CNGB1: variants seen among roughly 807,000 people sequenced by gnomAD.
CNGB1 encodes cyclic nucleotide-gated channel beta-1.
Under a neutral mutation model 151.7 loss-of-function variants are expected in CNGB1, and 126 were observed. The observed-to-expected ratio is 0.83, with a 90% CI of 0.72 to 0.96. The LOEUF is 0.96. Ranked by LOEUF, CNGB1 falls within the 40% of genes least tolerant of loss-of-function variation. The pLI, the probability that CNGB1 is intolerant of heterozygous loss-of-function variation, is 0.00. For missense variants in CNGB1, 1,698 were observed against 1,627.0 expected, an observed-to-expected ratio of 1.04 and a Z score of -0.75; for synonymous variants, 623 against 635.1, an observed-to-expected ratio of 0.98 and a Z score of 0.29.
chr16:57,917,623 T>TATA (rs1346971548), intron 20 of CNGB1, 147 bp from the exon 21 acceptor site: 1 of 639,530 alleles, frequency 1.6e-6, no homozygotes, highest in Non-Finnish European at 2.7e-6. Flanking sequence ...TGTGTGTGTA[T>TATA]ATATACACAC....
rs55840322 is a variant in CNGB1, at chr16:57,915,487, C to T, written c.2218-152G>A. 2,717 of 692,344 alleles carry T rather than the reference C, an allele frequency of 3.9e-3. 52 individuals carry two copies. The African/African-American group carries it at 0.043, about 11-fold the overall frequency. 42.9% of individuals were successfully genotyped at this position (692,344 alleles called of 1,614,324 possible). A position where few individuals can be genotyped will look rare whatever the true frequency, so the allele number is the denominator to read the frequency against. On this transcript the variant is annotated intron_variant, in intron 22 of 32. Transcript: ENST00000251102. ...AACTAGAGGGCAGAAGGTGTCCCAC[C>T]GACAAGCCCTTGTTTGGCTTCAAAG...
In CNGB1 at chr16:57,931,864, G is replaced by T. The variant is rs1036455191; in HGVS notation, c.1387C>A (p.Gln463Lys). 6.2e-7 allele frequency: 1 copy of T among 1,614,038 alleles called. No individual in the cohort carries two copies. Among genetic ancestry groups the T allele is most frequent in the East Asian group, 2.2e-5 (1 of 44,898 alleles). ...AASSGVPATK[Q>K]HPEVQVEDTD... The stretch of plus-strand genomic sequence containing the variant: ...TCTTCCACCTGCACTTCTGGGTGCT[G>T]TTTCGTGGCAGGCACTGGGGGAGAG... The change falls in exon 17 of 33, where the codon CAG becomes AAG. Residue 463 changes from glutamine to lysine, a missense_variant. Gln to Lys is a moderately conservative substitution (Grantham distance 53, BLOSUM62 1). Transcript: ENST00000251102.
rs1225309142 is a variant in CNGB1, at chr16:57,901,409, G to A, written c.2919C>T (p.Asp973=). ...CAACAGAGCGAAGCCTCTTCAGCAT[G>A]TCAAAGATCATCTGCCGGTCACAGC... is the stretch of plus-strand genomic sequence containing the variant. ...FQGCDRQMIF[D]MLKRLRSVVY... The change falls in exon 29 of 33, where the codon GAC becomes GAT. Residue 973 remains aspartate, a synonymous_variant. Transcript: ENST00000251102. The A allele has an allele frequency of 1.2e-6, 2 of 1,614,174 alleles. No individual in the cohort carries two copies. Among genetic ancestry groups the A allele is most frequent in the South Asian group, 1.1e-5 (1 of 91,080 alleles).
intron 16 of CNGB1, among the ~76,000 whole-genome samples, chr16:57,937,768 AC>A (rs1961551742): frequency 6.6e-6 from 1 of 152,014 alleles, no homozygotes; most frequent in Non-Finnish European, 1.5e-5. Flanking sequence ...AGAAGCAGTA[AC>A]TCTTCCTATG....
chr16:57,915,107 G>A (rs1362592619), intron 23 of CNGB1, 142 bp downstream of exon 23: 16 of 633,720 alleles, frequency 2.5e-5, no homozygotes, highest in East Asian at 1.6e-4. Flanking sequence ...TAAGACACAC[G>A]TGGAATAAAT....
chr16:57,917,439 C>T lies in CNGB1; in HGVS notation c.1995G>A (p.Met665Ile). The change falls in exon 21 of 33, where the codon ATG becomes ATA. Residue 665 changes from methionine (M) to isoleucine (I), a missense_variant. Physicochemically the swap from Met to Ile is conservative, Grantham distance 10. Transcript: ENST00000251102. ...MYVLWLFFVV[M>I]AWNWNCWLIP... ...TCAGCCAACAGTTCCAATTCCAGGC[C>T]ATCACCACGAAGAACAGCCATAGGA... The T allele has an allele frequency of 1.9e-6, 3 of 1,614,096 alleles. 1 individual carries two copies. In the South Asian group the frequency reaches 3.3e-5, roughly 18 times the overall value.
chr16:57,891,689 TG>T (rs1960095119), intron 31 of CNGB1, among the ~76,000 whole-genome samples: 1 of 152,006 alleles, frequency 6.6e-6, no homozygotes, highest in Non-Finnish European at 1.5e-5. Flanking sequence ...CCCGGGTAGC[TG>T]GGATGATAGG....
At position 57,961,664 on chromosome 16, in the gene CNGB1, GAA is replaced by G. The variant is rs1962260605; in HGVS notation, c.459-751_459-750del. Among the ~76,000 whole-genome samples the G allele has an allele frequency of 3.9e-5, 6 of 152,092 alleles. No homozygotes were observed. The South Asian group carries it at 6.2e-4, about 16-fold the overall frequency. ...TGAATGAATGAATGAATGAATGAAT[GAA>G]TGAGTGAATGAAGTGTGTGATTATA... On this transcript the variant is annotated intron_variant, in intron 7 of 32. Coordinates refer to ENST00000251102, the MANE Select transcript of CNGB1 (RefSeq NM_001297.5).
intron 18 of CNGB1, among the ~76,000 whole-genome samples, chr16:57,921,683 C>T (rs1961040235): frequency 6.6e-6 from 1 of 152,178 alleles, no homozygotes; most frequent in Non-Finnish European, 1.5e-5. Context: ...CTCTCAGACA[C>T]AATACATGCA....
At chr16:57,894,099 A>G (rs1960163216) in intron 31 of CNGB1, among the ~76,000 whole-genome samples, 1 of 152,230 alleles carries the variant, frequency 6.6e-6, no homozygotes, top group Non-Finnish European at 1.5e-5. Flanking sequence ...GCACACGGTT[A>G]TTCGTTGCAC....
At position 57,912,880 on chromosome 16, in the gene CNGB1, TGTGA is replaced by T. The variant is rs778031440; in HGVS notation, c.2369+46_2369+49del. Reference sequence around the variant, plus strand: ...GTGTGTATTGCGTGTGTTGTGTGTTTGTGAGTGTCATGTGTGTGTGCATGCATGC... The same window carrying T: ...GTGTGTATTGCGTGTGTTGTGTGTTTGTGTCATGTGTGTGTGCATGCATGC... On this transcript the variant is annotated intron_variant, in intron 24 of 32. Coordinates refer to ENST00000251102, the MANE Select transcript of CNGB1 (RefSeq NM_001297.5). The T allele has an allele frequency of 1.8e-5, 29 of 1,576,066 alleles. No homozygotes were observed. The East Asian group carries it at 2.2e-4, about 12-fold the overall frequency.
chr16:57,942,306 T>G (rs996582908), intron 14 of CNGB1, among the ~76,000 whole-genome samples: 1 of 152,118 alleles, frequency 6.6e-6, no homozygotes, highest in Non-Finnish European at 1.5e-5. Context: ...TTGCAGATAA[T>G]TTGATCTTAT....
Position 57,939,469 on chromosome 16 carries a change from C to G in CNGB1, c.1333G>C (p.Glu445Gln). 14 of 1,614,192 alleles carry G rather than the reference C, an allele frequency of 8.7e-6. No individual in the cohort carries two copies. Among genetic ancestry groups the G allele is most frequent in the Non-Finnish European group, 1.0e-5 (12 of 1,180,030 alleles). The change falls in exon 16 of 33, where the codon GAG becomes CAG. Residue 445 changes from glutamate to glutamine, a missense_variant. Coordinates refer to ENST00000251102, the MANE Select transcript of CNGB1 (RefSeq NM_001297.5). ...KEPQDWAETK[E>Q]EPEAEAEAAS... Reference sequence around the variant, plus strand: ...GCCTCGGCCTCAGCCTCAGGCTCCTCCTTGGTCTCCGCCCAGTCCTGGGGC... The same window carrying G: ...GCCTCGGCCTCAGCCTCAGGCTCCTGCTTGGTCTCCGCCCAGTCCTGGGGC...
At chr16:57,952,547 G>C (rs553378605) in intron 12 of CNGB1, among the ~76,000 whole-genome samples, 1 of 118,286 alleles carries the variant, frequency 8.5e-6, no homozygotes, top group South Asian at 3.0e-4. Context: ...GTGACACCCA[G>C]GCTTGAGTGC....
chr16:57,917,177 C>A (rs1210751016), intron 21 of CNGB1, 91 bp downstream of exon 21: 7 of 1,040,548 alleles, frequency 6.7e-6, no homozygotes, highest in South Asian at 2.7e-5. Flanking sequence ...CTTATTTTGT[C>A]ATCTATGACA....
At chr16:57,903,145 G>C (rs1234009193) in intron 27 of CNGB1, among the ~76,000 whole-genome samples, 1 of 150,786 alleles carries the variant, frequency 6.6e-6, no homozygotes, top group Non-Finnish European at 1.5e-5. Context: ...AGGAGGGAGA[G>C]AGAGGAAGGG....
chr16:57,970,991 G>A (rs1962527872), intron 1 of CNGB1, 69 bp downstream of exon 1: 1 of 152,140 alleles, frequency 6.6e-6, no homozygotes, highest in South Asian at 2.1e-4. Context: ...CTACCTAAAT[G>A]CCTTTCTAGA....
At chr16:57,955,655 G>T (rs1184747317) in intron 12 of CNGB1, among the ~76,000 whole-genome samples, 1 of 152,188 alleles carries the variant, frequency 6.6e-6, no homozygotes, top group African/African-American at 2.4e-5. Context: ...CGGATTGAGG[G>T]TGGGCCCTAA....
intron 2 of CNGB1, 37 bp downstream of exon 2, chr16:57,967,091 G>A (rs778507268): frequency 3.7e-6 from 6 of 1,613,762 alleles, no homozygotes; most frequent in East Asian, 4.5e-5. Flanking sequence ...CCTGAGCAGC[G>A]AGGCCGGCCT....
Sources: allele counts gnomAD v4.1 joint callset (sites outside exome capture counted in the v4.1 genomes callset), GRCh38; gene constraint gnomAD v4.1.1; transcripts MANE v1.5; gene names NCBI Gene and HGNC (gene_info 2026-07-23, HGNC 2026-07-21).